Variants in AHNAK observed in about 807,000 individuals in gnomAD.
AHNAK encodes the protein neuroblast differentiation-associated protein AHNAK.
Under a neutral mutation model 37.8 loss-of-function variants are expected in AHNAK, and 23 were observed. The observed-to-expected ratio is 0.61, with a 90% CI of 0.44 to 0.86. AHNAK has a LOEUF of 0.86. Among genes scored for constraint, AHNAK ranks in the 40% least tolerant of loss-of-function variants. The pLI is 0.00. For synonymous variants in AHNAK, 2,481 were observed against 2,636.3 expected, an observed-to-expected ratio of 0.94 and a Z score of 1.80; for missense variants, 7,411 against 7,319.4, an observed-to-expected ratio of 1.01 and a Z score of -0.46.
At chr11:62,541,020 C>T (rs1177904348) in intron 1 of AHNAK, among the ~76,000 whole-genome samples, 1 of 152,234 alleles carries the variant, frequency 6.6e-6, no homozygotes, top group Non-Finnish European at 1.5e-5. Context: ...CCACTGCCCT[C>T]GGAGAACAGT....
chr11:62,444,022 G>A (rs555471693), intron 5 of AHNAK, among the ~76,000 whole-genome samples: 31 of 152,258 alleles, frequency 2.0e-4, no homozygotes, highest in African/African-American at 7.2e-4. Flanking sequence ...GGCCAACACC[G>A]TCCCCCTCCA....
intron 1 of AHNAK, among the ~76,000 whole-genome samples, chr11:62,543,212 A>ACTGCGCG (rs960238857): frequency 6.6e-6 from 1 of 152,014 alleles, no homozygotes; most frequent in African/African-American, 2.4e-5. Context: ...CTGGACACAA[A>ACTGCGCG]CTGCGCGTGC....
chr11:62,503,605 A>C (rs1939753024), intron 4 of AHNAK, among the ~76,000 whole-genome samples: 1 of 152,076 alleles, frequency 6.6e-6, no homozygotes, highest in Non-Finnish European at 1.5e-5. Context: ...GAAAAAGAAA[A>C]AAAAAGTGAG....
chr11:62,469,703 C>T (rs976529680), intron 5 of AHNAK, among the ~76,000 whole-genome samples: 9 of 151,688 alleles, frequency 5.9e-5, no homozygotes, highest in African/African-American at 1.7e-4. Context: ...CCTGGCCTCA[C>T]GTGATCTGCC....
chr11:62,504,608 C>T (rs908898929), intron 4 of AHNAK, among the ~76,000 whole-genome samples: 3 of 152,048 alleles, frequency 2.0e-5, no homozygotes, highest in African/African-American at 7.2e-5. Flanking sequence ...AGGACAGAGG[C>T]GTGGTTGGCA....
chr11:62,479,787 A>G (rs1411032466), intron 5 of AHNAK, among the ~76,000 whole-genome samples: 2 of 152,194 alleles, frequency 1.3e-5, no homozygotes, highest in African/African-American at 4.8e-5. Context: ...CGGCTCTCCA[A>G]GTGGGTGATC....
At chr11:62,495,855 C>G (rs1056316597) in intron 4 of AHNAK, among the ~76,000 whole-genome samples, 5 of 151,994 alleles carry the variant, frequency 3.3e-5, no homozygotes, top group Non-Finnish European at 7.4e-5. Flanking sequence ...TCGAGACCAG[C>G]CTGGCCAACA....
In AHNAK at chr11:62,518,260, G is replaced by T; in HGVS notation, c.16157C>A (p.Ser5386Tyr). Residue 5386 changes from serine (S) to tyrosine (Y), a missense_variant, in exon 5 of 5, where the codon TCC (serine) becomes TAC (tyrosine). Coordinates refer to ENST00000378024, the MANE Select transcript of AHNAK (RefSeq NM_001620.3). The part of the protein sequence containing the change: ...VSGDIKCPKV[S>Y]VGAPDLSLEA... ...CAAGCTTAGATCAGGAGCTCCTACGGATACTTTAGGGCATTTGATGTCACC... is the reference window on the plus strand; with the variant it reads ...CAAGCTTAGATCAGGAGCTCCTACGTATACTTTAGGGCATTTGATGTCACC... The T allele has an allele frequency of 6.2e-7, 1 of 1,614,144 alleles. No homozygotes were observed.
intron 5 of AHNAK, among the ~76,000 whole-genome samples, chr11:62,434,097 C>G (rs1298987674): frequency 6.6e-6 from 1 of 152,152 alleles, no homozygotes; most frequent in East Asian, 1.9e-4. Flanking sequence ...CCACGCCTCC[C>G]TCTGTGTGGT....
At chr11:62,506,388 C>T (rs2134178306) in intron 4 of AHNAK, among the ~76,000 whole-genome samples, 1 of 152,208 alleles carries the variant, frequency 6.6e-6, no homozygotes, top group Admixed American at 6.5e-5. Context: ...ACTCACACCA[C>T]AGATTGTTGG....
Position 62,504,106 on chromosome 11 carries a change from A to G in AHNAK, c.343-12275T>C, listed in dbSNP as rs188409388. Among the ~76,000 whole-genome samples, 934 of 152,152 alleles carry G rather than the reference A, an allele frequency of 6.1e-3. 5 individuals are homozygous for G. Among genetic ancestry groups the G allele is most frequent in the African/African-American group, 0.019 (776 of 41,516 alleles). On this transcript the variant is annotated intron_variant, in intron 4 of 5. Transcript: ENST00000257247. Reference sequence around the variant, plus strand: ...AACTCAGGAGGTGGAGGTTGCAGTGAGCCAAGATCACACCACTGCACTCCA... The same window carrying G: ...AACTCAGGAGGTGGAGGTTGCAGTGGGCCAAGATCACACCACTGCACTCCA...
In AHNAK at chr11:62,534,992, G is replaced by T; in HGVS notation, c.342+11C>A. 1 of 1,596,992 alleles carries T rather than the reference G, an allele frequency of 6.3e-7. No individual in the cohort carries two copies. Among genetic ancestry groups the T allele is most frequent in the South Asian group, 1.1e-5 (1 of 90,662 alleles). ...GAGCTCAGGGCACAGATGGGCCGGCGAGGTACTCACCAGAACCACTTCAGA... is the reference window on the plus strand; with the variant it reads ...GAGCTCAGGGCACAGATGGGCCGGCTAGGTACTCACCAGAACCACTTCAGA... On this transcript the variant is annotated intron_variant, in intron 4 of 4. Coordinates refer to ENST00000378024, the MANE Select transcript of AHNAK (RefSeq NM_001620.3).
chr11:62,487,127 G>A (rs77682691), intron 5 of AHNAK, among the ~76,000 whole-genome samples: 1,710 of 152,300 alleles, frequency 0.011, 33 homozygotes, highest in African/African-American at 0.04. Context: ...TGACAGCTTA[G>A]GTGACCAGTC....
At position 62,532,234 on chromosome 11, in the gene AHNAK, C is replaced by T; in HGVS notation, c.2183G>A (p.Gly728Asp). The change falls in exon 5 of 5, where the codon GGC (glycine) becomes GAC (aspartate). Residue 728 changes from glycine (G) to aspartate (D), a missense_variant. Gly to Asp is a moderately conservative substitution (Grantham distance 94). Transcript: ENST00000378024. ...TVPKLEGELKGPKVDIDAPDV... is the reference protein window; with the variant it reads ...TVPKLEGELKDPKVDIDAPDV... The stretch of plus-strand genomic sequence containing the variant: ...TGGGGCATCAATGTCCACTTTTGGG[C>T]CTTTGAGTTCTCCTTCCAGCTTTGG... The T allele has an allele frequency of 2.5e-6, 4 of 1,613,828 alleles. No homozygotes were observed. Among genetic ancestry groups the T allele is most frequent in the Non-Finnish European group, 3.4e-6 (4 of 1,179,974 alleles).
At chr11:62,486,599 T>C (rs1939401871) in intron 5 of AHNAK, among the ~76,000 whole-genome samples, 1 of 151,942 alleles carries the variant, frequency 6.6e-6, no homozygotes, top group African/African-American at 2.4e-5. Context: ...AGAATTAGTG[T>C]TGAATGGCTA....
chr11:62,488,464 C>T (rs888450965), intron 5 of AHNAK, among the ~76,000 whole-genome samples: 10 of 151,446 alleles, frequency 6.6e-5, no homozygotes, highest in Admixed American at 1.3e-4. Flanking sequence ...TGCAATGGCG[C>T]GATCCCAGTT....
At position 62,450,954 on chromosome 11, in the gene AHNAK, G is replaced by C. The variant is rs189050336; in HGVS notation, c.443-17063C>G. On this transcript the variant is annotated intron_variant, in intron 5 of 5. Coordinates refer to the AHNAK transcript ENST00000257247. ...GACGTGGTGGCTCACGCCTGTAATC[G>C]CGGCACTTTGGGAGGCCAAGGCGGG... 1.9e-3 allele frequency among the ~76,000 whole-genome samples: 274 copies of C among 141,962 alleles called. 1 individual carries two copies. The highest frequency in any genetic ancestry group is 3.2e-3 in the Non-Finnish European group (193 of 60,774). The allele number at this position is 141,962 out of a possible 152,430, so 93.1% of individuals were successfully genotyped here. A position where few individuals can be genotyped will look rare whatever the true frequency, so the allele number is the denominator to read the frequency against.
chr11:62,451,237 A>G (rs1281089476), intron 5 of AHNAK, among the ~76,000 whole-genome samples: 3 of 151,110 alleles, frequency 2.0e-5, no homozygotes, highest in Non-Finnish European at 4.4e-5. Context: ...TAATGTGTTT[A>G]GGAACCCAAG....
intron 5 of AHNAK, among the ~76,000 whole-genome samples, chr11:62,441,439 C>A (rs893383071): frequency 1.3e-5 from 2 of 152,030 alleles, no homozygotes; most frequent in African/African-American, 4.8e-5. Context: ...AGCCACTGCC[C>A]TCCAACCTAC....
Sources: allele counts gnomAD v4.1 joint callset (sites outside exome capture counted in the v4.1 genomes callset), GRCh38; gene constraint gnomAD v4.1.1; transcripts MANE v1.5; gene names NCBI Gene and HGNC (gene_info 2026-07-23, HGNC 2026-07-21).